Variants in MON2 observed in about 807,000 individuals in gnomAD.
MON2 encodes MON2 regulator of endosome-to-Golgi trafficking.
A neutral mutation model predicts 208.6 loss-of-function variants in MON2; 84 were observed. That is an observed-to-expected ratio of 0.40 (90% CI 0.34 to 0.48). The LOEUF is 0.48. Ranked by LOEUF, MON2 falls within the 20% of genes least tolerant of loss-of-function variation. The probability of loss-of-function intolerance (pLI) is 0.59; values close to 1 mark genes in which losing one functional copy is unlikely to be tolerated. For missense variants in MON2, 1,611 were observed against 2,015.4 expected (o/e 0.80, Z 3.84); for synonymous variants, 660 against 694.0 (o/e 0.95, Z 0.77).
intron 23 of MON2, among the ~76,000 whole-genome samples, chr12:62,551,850 T>A (rs1287782435): frequency 6.6e-6 from 1 of 152,238 alleles, no homozygotes; most frequent in Non-Finnish European, 1.5e-5. Flanking sequence ...TTTTATAAAT[T>A]TGAACTTTAA....
intron 26 of MON2, among the ~76,000 whole-genome samples, chr12:62,562,011 G>A (rs1296654098): frequency 6.6e-6 from 1 of 152,130 alleles, no homozygotes; most frequent in Non-Finnish European, 1.5e-5. Flanking sequence ...AACCCTAGTT[G>A]TGTTGTGCAG....
chr12:62,483,516 C>A (rs2069569879), intron 1 of MON2, among the ~76,000 whole-genome samples: 1 of 152,098 alleles, frequency 6.6e-6, no homozygotes, highest in Non-Finnish European at 1.5e-5. Context: ...GCCTGGCCAA[C>A]TAAAAATACA....
intron 11 of MON2, among the ~76,000 whole-genome samples, chr12:62,528,826 C>T (rs1234636216): frequency 6.6e-6 from 1 of 152,176 alleles, no homozygotes; most frequent in Non-Finnish European, 1.5e-5. Context: ...AGATATTTAT[C>T]TCCCCATTTG....
At chr12:62,554,731 A>G (rs1160458756) in intron 24 of MON2, among the ~76,000 whole-genome samples, 1 of 152,114 alleles carries the variant, frequency 6.6e-6, no homozygotes, top group East Asian at 1.9e-4. Context: ...CTAGGCTTCA[A>G]GCAATCATCC....
chr12:62,534,815 A>G (rs542471041), intron 12 of MON2, 30 bp from the exon 13 acceptor site: 1 of 1,524,904 alleles, frequency 6.6e-7, no homozygotes, highest in African/African-American at 1.4e-5. Context: ...TATAATTAAA[A>G]TTAAATATTG....
intron 8 of MON2, among the ~76,000 whole-genome samples, chr12:62,521,200 G>A (rs1193358720): frequency 6.6e-6 from 1 of 151,892 alleles, no homozygotes; most frequent in African/African-American, 2.4e-5. Flanking sequence ...GTAGACACGG[G>A]GTTTCACTGT....
rs1333840976 is a variant in MON2, at chr12:62,560,601, C to T, written c.3520C>T (p.Gln1174Ter). ...AALKSFQEIL[Q>*]IVSPVRDSDK... is the part of the protein sequence containing the mutation. Reference sequence around the variant, plus strand: ...TCTGAAAAGCTTCCAGGAAATTTTACAGATTGTGTCCCCTGTCAGAGACTC... The same window carrying T: ...TCTGAAAAGCTTCCAGGAAATTTTATAGATTGTGTCCCCTGTCAGAGACTC... The change falls in exon 26 of 35, where the codon CAG becomes TAG. Residue 1174 changes from glutamine to a stop codon, truncating the protein, a stop_gained. Coordinates refer to ENST00000393630, the MANE Select transcript of MON2 (RefSeq NM_015026.3). LOFTEE classifies it high-confidence loss of function. The T allele has an allele frequency of 6.2e-7, 1 of 1,613,940 alleles. No homozygotes were observed. The highest frequency in any genetic ancestry group is 8.5e-7 in the Non-Finnish European group (1 of 1,180,012).
At chr12:62,568,271 A>G (rs1483481111) in intron 29 of MON2, among the ~76,000 whole-genome samples, 1 of 152,250 alleles carries the variant, frequency 6.6e-6, no homozygotes, top group East Asian at 1.9e-4. Flanking sequence ...CTAAGCCATC[A>G]TAAGATCAGA....
chr12:62,584,177 A>G (rs1158827937), intron 32 of MON2, among the ~76,000 whole-genome samples: 3 of 152,026 alleles, frequency 2.0e-5, no homozygotes, highest in Admixed American at 6.6e-5. Flanking sequence ...AGGACAAGCA[A>G]TTGCTGAGTT....
At chr12:62,573,836 A>G (rs2074686317) in intron 30 of MON2, among the ~76,000 whole-genome samples, 2 of 152,176 alleles carry the variant, frequency 1.3e-5, no homozygotes, top group African/African-American at 4.8e-5. Flanking sequence ...AGGCCAAATA[A>G]TAGTATTTTA....
intron 24 of MON2, 43 bp from the exon 25 acceptor site, chr12:62,555,949 CTA>C (rs1478159570): frequency 1.4e-6 from 2 of 1,386,930 alleles, no homozygotes; most frequent in African/African-American, 2.9e-5. Flanking sequence ...ATTACTTAAG[CTA>C]TATTATCAAT....
In MON2 at chr12:62,525,141, T is replaced by C. The variant is rs1191662525; in HGVS notation, c.1167T>C (p.Ile389=). ...KQHSTKVFRD[I]VNALGSFIQS... ...ATTCTACCAAGGTTTTTCGTGATAT[T>C]GTAAATGCACTGGGATCTTTTATAC... The change falls in exon 10 of 35, where the codon ATT becomes ATC. Residue 389 remains isoleucine, a synonymous_variant. Transcript: ENST00000393630. 2.5e-6 allele frequency: 4 copies of C among 1,612,108 alleles called. No homozygotes were observed. The highest frequency in any genetic ancestry group is 3.4e-6 in the Non-Finnish European group (4 of 1,178,252).
chr12:62,536,907 T>C (rs566486481), intron 14 of MON2, among the ~76,000 whole-genome samples: 157 of 152,150 alleles, frequency 1.0e-3, no homozygotes, highest in African/African-American at 3.7e-3. Flanking sequence ...CAGGCTGGCC[T>C]TGAACTCCTG....
intron 1 of MON2, among the ~76,000 whole-genome samples, chr12:62,472,611 A>G (rs1323976193): frequency 6.6e-6 from 1 of 152,138 alleles, no homozygotes; most frequent in Admixed American, 6.5e-5. Context: ...TGGCTTAGGG[A>G]GACCCCTAGT....
At chr12:62,511,739 A>C (rs1344546575) in intron 8 of MON2, among the ~76,000 whole-genome samples, 1 of 152,258 alleles carries the variant, frequency 6.6e-6, no homozygotes, top group African/African-American at 2.4e-5. Context: ...AAGCACAGGC[A>C]ACAAAAGCAA....
At chr12:62,546,729 C>T (rs1288585188) in intron 21 of MON2, among the ~76,000 whole-genome samples, 168 bp from the exon 22 acceptor site, 1 of 152,018 alleles carries the variant, frequency 6.6e-6, no homozygotes, top group African/African-American at 2.4e-5. Context: ...ACTCCTGCCT[C>T]CTGGGTGACA....
chr12:62,534,707 C>A, intron 12 of MON2, 138 bp from the exon 13 acceptor site: 1 of 554,148 alleles, frequency 1.8e-6, no homozygotes, highest in South Asian at 2.4e-5. Flanking sequence ...TTTTTAAATA[C>A]TGAATATTAG....
chr12:62,551,670 A>G lies in MON2; in HGVS notation c.2917-1211A>G, dbSNP rs1488431030. Among the ~76,000 whole-genome samples the G allele has an allele frequency of 2.0e-5, 3 of 152,238 alleles. No individual in the cohort carries two copies. In the East Asian group the frequency reaches 5.8e-4, roughly 29 times the overall value. On this transcript the variant is annotated intron_variant, in intron 23 of 34. Transcript: ENST00000393630. The stretch of plus-strand genomic sequence containing the variant: ...ATAAATTGCAATTTATAAAAATTAC[A>G]ATTATCTGTGAAGCACAACAAAGAG...
intron 1 of MON2, among the ~76,000 whole-genome samples, chr12:62,479,289 T>C (rs139377959): frequency 1.3e-5 from 2 of 152,190 alleles, no homozygotes; most frequent in Admixed American, 6.5e-5. Flanking sequence ...GCCCCTGATA[T>C]GAAATGTTGT....
Sources: gnomAD v4.1 joint callset for allele counts (sites outside exome capture counted in the v4.1 genomes callset) on GRCh38, gnomAD v4.1.1 for gene constraint, MANE v1.5 for transcripts, NCBI Gene and HGNC (gene_info 2026-07-23, HGNC 2026-07-21) for gene names.